Variants in VSIG4 observed in about 807,000 individuals in gnomAD.
VSIG4 encodes V-set and immunoglobulin domain-containing protein 4.
VSIG4 carries 34 observed loss-of-function variants against 23.4 expected under a neutral mutation model. That is an observed-to-expected ratio of 1.45 (90% CI 1.10 to 1.93). VSIG4 has a LOEUF of 1.93. VSIG4 is among the 30% of genes most tolerant of loss of function. The pLI is 0.00. For missense variants in VSIG4, 433 were observed against 310.8 expected, an observed-to-expected ratio of 1.39 and a Z score of -2.96; for synonymous variants, 169 against 120.3, an observed-to-expected ratio of 1.41 and a Z score of -2.65.
chrX:66,037,510 AATAATAAT>A (rs1472409903), intron 1 of VSIG4, among the ~76,000 whole-genome samples: 1 of 65,299 alleles, frequency 1.5e-5, no homozygotes, highest in African/African-American at 6.6e-5. Context: ...TATATTATAT[AATAATAAT>A]ATAATATAAT....
intron 3 of VSIG4, among the ~76,000 whole-genome samples, chrX:66,028,887 G>A (rs745609956): frequency 9.0e-6 from 1 of 111,466 alleles, no homozygotes; most frequent in East Asian, 2.8e-4. Context: ...CCCCAGGGAT[G>A]GGGTAGCATT....
intron 3 of VSIG4, among the ~76,000 whole-genome samples, chrX:66,030,686 G>A (rs1334130093): frequency 1.8e-5 from 2 of 111,460 alleles, no homozygotes; most frequent in Admixed American, 1.9e-4. Context: ...GAGCAAGGCT[G>A]GGGGCCTGAA....
At chrX:66,028,557 ACT>A (rs2085422290) in intron 3 of VSIG4, among the ~76,000 whole-genome samples, 1 of 89,410 alleles carries the variant, frequency 1.1e-5, no homozygotes, top group African/African-American at 5.2e-5. Context: ...GACGTAATCA[ACT>A]TTTTTTTTTT....
At chrX:66,024,623 C>A (rs1340637026) in intron 6 of VSIG4, among the ~76,000 whole-genome samples, 1 of 112,042 alleles carries the variant, frequency 8.9e-6, no homozygotes, top group East Asian at 2.8e-4. Flanking sequence ...CCTCTGGATC[C>A]CTTTAGCATT....
intron 1 of VSIG4, among the ~76,000 whole-genome samples, chrX:66,034,954 G>T (rs2085518914): frequency 9.0e-6 from 1 of 110,804 alleles, no homozygotes; most frequent in African/African-American, 3.3e-5. Context: ...AAGATATGAG[G>T]TATTCCTGAA....
chrX:66,026,713 C>G (rs2085396520), intron 5 of VSIG4, among the ~76,000 whole-genome samples: 1 of 111,848 alleles, frequency 8.9e-6, no homozygotes, highest in Admixed American at 9.5e-5. Flanking sequence ...AGTTATCAAA[C>G]TATTTAATTC....
At chrX:66,039,885 A>C in intron 1 of VSIG4, 59 bp downstream of exon 1, 1 of 1,186,912 alleles carries the variant, frequency 8.4e-7, no homozygotes, top group Non-Finnish European at 1.1e-6. Context: ...ATTAAACACC[A>C]ACCCTCTAGC....
chrX:66,039,859 G>A (rs1602118106), intron 1 of VSIG4, 85 bp downstream of exon 1: 1 of 1,106,678 alleles, frequency 9.0e-7, no homozygotes. Flanking sequence ...GTAGGAATAG[G>A]CTTTCCATAG....
chrX:66,025,207 C>T, intron 5 of VSIG4, 78 bp from the exon 6 acceptor site: 1 of 670,853 alleles, frequency 1.5e-6, no homozygotes, highest in Non-Finnish European at 2.2e-6. Flanking sequence ...ACAGCCTAGA[C>T]TAAGCCAGGC....
At chrX:66,029,096 T>C (rs978937154) in intron 3 of VSIG4, among the ~76,000 whole-genome samples, 1 of 110,970 alleles carries the variant, frequency 9.0e-6, no homozygotes, top group Non-Finnish European at 1.9e-5. Flanking sequence ...AACCATAAGC[T>C]TCTCCCTCTT....
rs1450461650 is a variant in VSIG4 at position 66,027,439 on chromosome X, A to G, written c.835+10T>C. The G allele has an allele frequency of 3.4e-6, 4 of 1,192,529 alleles. No homozygotes were observed. The Admixed American group carries it at 6.8e-5, about 20-fold the overall frequency. ...AGAAGAAAAGATAGAAATCCTGACA[A>G]TATTCCTACCTGGCCCAGCACTGGT... On this transcript the variant is annotated intron_variant, in intron 5 of 7. Coordinates refer to ENST00000374737, the MANE Select transcript of VSIG4 (RefSeq NM_007268.3).
chrX:66,039,807 G>A (rs914326269), intron 1 of VSIG4, 137 bp downstream of exon 1: 3 of 693,757 alleles, frequency 4.3e-6, no homozygotes, highest in Admixed American at 3.5e-5. Context: ...GCTCAAGGCT[G>A]AGAGAGCCTG....
In VSIG4 at chrX:66,022,024, G is replaced by A. The variant is rs2085337058; in HGVS notation, c.*239C>T. 8.9e-7 allele frequency: 1 copy of A among 1,128,584 alleles called. No individual in the cohort carries two copies. The highest frequency in any genetic ancestry group is 1.2e-6 in the Non-Finnish European group (1 of 841,425). The allele number at this position is 1,128,584 out of a possible 1,213,427, so 93.0% of individuals were successfully genotyped here. A position where few individuals can be genotyped will look rare whatever the true frequency, so the allele number is the denominator to read the frequency against. ...CATCTTCCCTCTGGTATTTAGAGAG[G>A]AGTACCAGAAGCCCCCGGCAGAGAT... On this transcript the variant is annotated 3_prime_UTR_variant, in exon 8 of 8. Transcript: ENST00000374737.
At chrX:66,023,994 A>C (rs1039779797) in intron 6 of VSIG4, among the ~76,000 whole-genome samples, 2 of 112,423 alleles carry the variant, frequency 1.8e-5, no homozygotes, top group Non-Finnish European at 3.8e-5. Flanking sequence ...AAACATGCTA[A>C]CTGGCAAAAG....
In VSIG4 at chrX:66,028,065, T is replaced by C; in HGVS notation, c.742A>G (p.Thr248Ala). Residue 248 changes from threonine (T) to alanine (A), a missense_variant, in exon 4 of 8, where the codon ACA (threonine) becomes GCA (alanine). Coordinates refer to ENST00000374737, the MANE Select transcript of VSIG4 (RefSeq NM_007268.3). ...CAAAACTCACCTTTCAAGGGGTATG[T>C]CATGGTTGTAGGTGCCTCAGTCTTG... Reference protein sequence around the residue: ...KTKTEAPTTMTYPLKATSTVK... With the variant: ...KTKTEAPTTMAYPLKATSTVK... The C allele has an allele frequency of 1.7e-6, 2 of 1,204,024 alleles. No individual in the cohort carries two copies. Among genetic ancestry groups the C allele is most frequent in the Non-Finnish European group, 1.1e-6 (1 of 888,717 alleles).
intron 1 of VSIG4, among the ~76,000 whole-genome samples, 175 bp from the exon 2 acceptor site, chrX:66,034,005 A>G (rs1470808739): frequency 9.0e-6 from 1 of 111,629 alleles, no homozygotes; most frequent in Non-Finnish European, 1.9e-5. Flanking sequence ...ATCAATCAGA[A>G]CCAGTCTTCA....
chrX:66,022,051 C>T lies in VSIG4; in HGVS notation c.*212G>A, dbSNP rs1602092968. The stretch of plus-strand genomic sequence containing the variant: ...GTACCAGAAGCCCCCGGCAGAGATA[C>T]TAGAAGGGCCCAGAGCCAAATCCAG... On this transcript the variant is annotated 3_prime_UTR_variant, in exon 8 of 8. Transcript: ENST00000374737. The T allele has an allele frequency of 1.3e-5, 15 of 1,160,231 alleles. No individual in the cohort carries two copies. In the East Asian group the frequency reaches 4.6e-4, roughly 36 times the overall value.
At position 66,022,383 on chromosome X, in the gene VSIG4, C is replaced by G; in HGVS notation, c.1080G>C (p.Glu360Asp). ...SQNLGNNYSD[E>D]PCIGQEYQII... ...TCTGGTACTCCTGTCCTATGCAGGGCTCATCAGAGTAGTTGTTGCCCAGAT... is the reference window on the plus strand; with the variant it reads ...TCTGGTACTCCTGTCCTATGCAGGGGTCATCAGAGTAGTTGTTGCCCAGAT... Residue 360 changes from glutamate (E) to aspartate (D), a missense_variant, in exon 8 of 8, where the codon GAG becomes GAC. Physicochemically the swap from Glu to Asp is conservative, Grantham distance 45 (BLOSUM62 2). Transcript: ENST00000374737. 1 of 1,212,147 alleles carries G rather than the reference C, an allele frequency of 8.2e-7. No individual in the cohort carries two copies. The highest frequency in any genetic ancestry group is 1.7e-5 in the African/African-American group (1 of 57,945).
chrX:66,035,985 A>C (rs1001620409), intron 1 of VSIG4, among the ~76,000 whole-genome samples: 8 of 112,075 alleles, frequency 7.1e-5, no homozygotes, highest in Non-Finnish European at 1.5e-4. Flanking sequence ...AGTCTGGCCT[A>C]TCAAGAAAAT....
Sources: allele counts gnomAD v4.1 joint callset (sites outside exome capture counted in the v4.1 genomes callset), GRCh38; gene constraint gnomAD v4.1.1; transcripts MANE v1.5; gene names NCBI Gene and HGNC (gene_info 2026-07-23, HGNC 2026-07-21).